Variants in AKT3 observed in about 807,000 individuals in gnomAD.
AKT3 encodes AKT serine/threonine kinase 3.
A neutral mutation model predicts 65.3 loss-of-function variants in AKT3; 15 were observed. The observed-to-expected ratio is 0.23, with a 90% CI of 0.15 to 0.35. The LOEUF is 0.35. AKT3 is among the 10% of genes least tolerant of loss of function. AKT3 has a pLI of 1.00. For missense variants in AKT3, 243 were observed against 576.5 expected (o/e 0.42, Z 5.92); for synonymous variants, 206 against 183.8 (o/e 1.12, Z -0.98).
chr1:243,666,551 T>C (rs1451432362), intron 3 of AKT3, among the ~76,000 whole-genome samples: 2 of 152,162 alleles, frequency 1.3e-5, no homozygotes, highest in African/African-American at 4.8e-5. Flanking sequence ...CCCCTAAAAT[T>C]CATTCCTCCT....
At chr1:243,815,776 AGTTGTTGTT>A (rs145906932) in intron 2 of AKT3, among the ~76,000 whole-genome samples, 2 of 147,186 alleles carry the variant, frequency 1.4e-5, no homozygotes, top group African/African-American at 5.0e-5. Flanking sequence ...ACACCCAGCT[AGTTGTTGTT>A]GTTGTTGTTG....
intron 11 of AKT3, among the ~76,000 whole-genome samples, chr1:243,552,502 AAAATCCTTATTTGGT>A (rs1324397148): frequency 4.6e-5 from 7 of 152,116 alleles, no homozygotes; most frequent in African/African-American, 1.7e-4. Flanking sequence ...TGAAACTCTC[AAAATCCTTATTTGGT>A]AAATCTGCAT....
Position 243,815,390 on chromosome 1 carries a change from G to A in AKT3, c.46+27735C>T, listed in dbSNP as rs1018076056. ...CACAGAACAAGGATCCCCTTTCCTC[G>A]TGTTTCCGTTAATATTTTTCTCACT... is the stretch of plus-strand genomic sequence containing the variant. On this transcript the variant is annotated intron_variant, in intron 2 of 13. Transcript: ENST00000673466. Among the ~76,000 whole-genome samples, 8 of 151,940 alleles carry A rather than the reference G, an allele frequency of 5.3e-5. No individual in the cohort carries two copies. The South Asian group carries it at 6.2e-4, about 12-fold the overall frequency.
In AKT3 at chr1:243,849,984, G is replaced by A. The variant is rs921773748; in HGVS notation, c.-113+56C>T. 1.1e-5 allele frequency: 11 copies of A among 972,604 alleles called. No homozygotes were observed. In the Admixed American group the frequency reaches 5.5e-4, roughly 49 times the overall value. The allele number at this position is 972,604 out of a possible 1,614,324, so 60.2% of individuals were successfully genotyped here. The stretch of plus-strand genomic sequence containing the variant: ...GAGGGCGGACCGGGGCCCGGGGCCC[G>A]GAGGGAGTGGAGGCCAGGCGGGGAG... On this transcript the variant is annotated intron_variant, in intron 1 of 13. Transcript: ENST00000673466.
intron 2 of AKT3, among the ~76,000 whole-genome samples, chr1:243,761,781 A>T (rs903953055): frequency 1.3e-5 from 2 of 152,196 alleles, no homozygotes; most frequent in African/African-American, 4.8e-5. Context: ...CTATTAACTT[A>T]ATGATGTTAA....
intron 12 of AKT3, among the ~76,000 whole-genome samples, chr1:243,520,055 GTAT>G (rs1053447161): frequency 4.6e-5 from 7 of 152,104 alleles, no homozygotes; most frequent in African/African-American, 1.7e-4. Context: ...TTCAAATATT[GTAT>G]TATTATAGGT....
At chr1:243,634,266 ATTATTT>A (rs1679817085) in intron 6 of AKT3, among the ~76,000 whole-genome samples, 1 of 151,966 alleles carries the variant, frequency 6.6e-6, no homozygotes, top group Admixed American at 6.6e-5. Flanking sequence ...TTCTTGTATT[ATTATTT>A]TTGAGTATTT....
intron 3 of AKT3, among the ~76,000 whole-genome samples, chr1:243,690,899 G>C (rs1410746413): frequency 6.6e-6 from 1 of 152,128 alleles, no homozygotes; most frequent in East Asian, 1.9e-4. Context: ...AGATGTTTCA[G>C]ATGTTCACTT....
chr1:243,620,947 T>C (rs1386411350), intron 6 of AKT3, among the ~76,000 whole-genome samples: 1 of 152,132 alleles, frequency 6.6e-6, no homozygotes, highest in Non-Finnish European at 1.5e-5. Context: ...TAACTCTATA[T>C]TTCACATCTA....
intron 8 of AKT3, among the ~76,000 whole-genome samples, chr1:243,596,891 A>G: frequency 6.6e-6 from 1 of 152,216 alleles, no homozygotes; most frequent in East Asian, 1.9e-4. Context: ...GAAATGCAAC[A>G]AAGTTAACAA....
At chr1:243,675,071 A>T (rs1025429003) in intron 3 of AKT3, among the ~76,000 whole-genome samples, 2 of 152,234 alleles carry the variant, frequency 1.3e-5, no homozygotes, top group African/African-American at 2.4e-5. Flanking sequence ...CTTACAACTT[A>T]AATGCCTCGA....
chr1:243,693,212 G>GAT (rs1355024410), intron 3 of AKT3, among the ~76,000 whole-genome samples: 1 of 105,202 alleles, frequency 9.5e-6, no homozygotes, highest in Non-Finnish European at 1.9e-5. Flanking sequence ...AAAAATGAGG[G>GAT]ATATATATAT....
chr1:243,611,156 G>C (rs1677841928), intron 8 of AKT3, among the ~76,000 whole-genome samples: 1 of 151,972 alleles, frequency 6.6e-6, no homozygotes. Flanking sequence ...ATCTTTATGG[G>C]AATGGCTGCC....
intron 11 of AKT3, among the ~76,000 whole-genome samples, chr1:243,545,877 A>C (rs192070227): frequency 6.6e-6 from 1 of 152,206 alleles, no homozygotes; most frequent in East Asian, 1.9e-4. Context: ...GTGACAACAG[A>C]AAAGAGGCTT....
At chr1:243,678,275 A>C (rs1255129975) in intron 3 of AKT3, among the ~76,000 whole-genome samples, 1 of 152,176 alleles carries the variant, frequency 6.6e-6, no homozygotes, top group African/African-American at 2.4e-5. Flanking sequence ...AACCACAGAC[A>C]TAAAAAGGCC....
intron 2 of AKT3, among the ~76,000 whole-genome samples, chr1:243,810,949 A>C (rs1204898285): frequency 6.6e-6 from 1 of 152,352 alleles, no homozygotes; most frequent in Admixed American, 6.5e-5. Context: ...TAGATGCAGA[A>C]AAGGCCTTTG....
At position 243,750,085 on chromosome 1, in the gene AKT3, C is replaced by T. The variant is rs181927804; in HGVS notation, c.47-54369G>A. ...ATATATACTTGAGCAAATAAAGAGGCGAAGTCATGCTTTTATAAAGAAAGT... is the reference window on the plus strand; with the variant it reads ...ATATATACTTGAGCAAATAAAGAGGTGAAGTCATGCTTTTATAAAGAAAGT... On this transcript the variant is annotated intron_variant, in intron 2 of 13. Transcript: ENST00000673466. Among the ~76,000 whole-genome samples, 22 of 152,208 alleles carry T rather than the reference C, an allele frequency of 1.4e-4. No individual in the cohort carries two copies. The South Asian group carries it at 2.7e-3, about 19-fold the overall frequency.
chr1:243,758,534 T>G (rs1689284964), intron 2 of AKT3, among the ~76,000 whole-genome samples: 2 of 152,164 alleles, frequency 1.3e-5, no homozygotes, highest in Admixed American at 6.5e-5. Flanking sequence ...CCAGATCATC[T>G]AGAGCAGCAG....
chr1:243,777,398 G>C (rs531790874), intron 2 of AKT3, among the ~76,000 whole-genome samples: 1 of 152,332 alleles, frequency 6.6e-6, no homozygotes, highest in East Asian at 1.9e-4. Flanking sequence ...ACTGGTACTG[G>C]TCCACAGCAT....
Sources: allele counts gnomAD v4.1 joint callset (sites outside exome capture counted in the v4.1 genomes callset), GRCh38; gene constraint gnomAD v4.1.1; transcripts MANE v1.5; gene names NCBI Gene and HGNC (gene_info 2026-07-23, HGNC 2026-07-21).